ZNF320: variants seen among roughly 807,000 people sequenced by gnomAD.
ZNF320 encodes zinc finger protein 320.
A neutral mutation model predicts 6.8 loss-of-function variants in ZNF320; 2 were observed. That is an observed-to-expected ratio of 0.29 (90% CI 0.12 to 0.93). ZNF320 has a LOEUF of 0.93. Ranked by LOEUF, ZNF320 falls within the 40% of genes least tolerant of loss-of-function variation. The pLI, the probability that ZNF320 is intolerant of heterozygous loss-of-function variation, is 0.55. For missense variants in ZNF320, 472 were observed against 611.0 expected, an observed-to-expected ratio of 0.77 and a Z score of 2.40; for synonymous variants, 208 against 203.2, an observed-to-expected ratio of 1.02 and a Z score of -0.20.
rs781207542 is a variant in ZNF320 at position 52,877,371 on chromosome 19, T to C, written c.*3225A>G. On this transcript the variant is annotated 3_prime_UTR_variant, in exon 6 of 6. Transcript: ENST00000682928. The stretch of plus-strand genomic sequence containing the variant: ...CAAATAACATTCTTTGAATCTTTGA[T>C]CAGCCTTTCACTAAATACACAATTT... The C allele has an allele frequency of 1.3e-5, 2 of 152,226 alleles. No homozygotes were observed. The highest frequency in any genetic ancestry group is 2.9e-5 in the Non-Finnish European group (2 of 68,048). 9.4% of individuals were successfully genotyped at this position (152,226 alleles called of 1,614,324 possible). A position where few individuals can be genotyped will look rare whatever the true frequency, so the allele number is the denominator to read the frequency against.
At chr19:52,882,080 T>C in intron 5 of ZNF320, 97 bp from the exon 6 acceptor site, 5 of 1,254,794 alleles carry the variant, frequency 4.0e-6, no homozygotes, top group South Asian at 3.4e-5. Flanking sequence ...ATACTTATTT[T>C]AAACTTCCCA....
upstream of ZNF320, among the ~76,000 whole-genome samples, chr19:52,901,447 C>G (rs1381696183): frequency 6.6e-6 from 1 of 152,136 alleles, no homozygotes; most frequent in Non-Finnish European, 1.5e-5. Flanking sequence ...TTGTCATCTT[C>G]TTCAGAGTCA....
chr19:52,885,836 G>T (rs1280595265), intron 5 of ZNF320, among the ~76,000 whole-genome samples: 1 of 152,158 alleles, frequency 6.6e-6, no homozygotes, highest in Admixed American at 6.5e-5. Flanking sequence ...AACCGGGGAG[G>T]TGGAGGTTGT....
At chr19:52,863,798 C>T (rs537094157) in exon 6 of ZNF320, 9 of 190,574 alleles carry the variant, frequency 4.7e-5, no homozygotes, top group African/African-American at 1.4e-4. Context: ...CTTTAGAGGC[C>T]GAGGCGGGTG....
chr19:52,860,639 T>C (rs570749619), downstream of ZNF320, among the ~76,000 whole-genome samples: 2 of 151,636 alleles, frequency 1.3e-5, no homozygotes, highest in South Asian at 4.2e-4. Context: ...ATTCTTGGTA[T>C]TTTAGTGTGC....
rs765775479 is a variant in ZNF320 at position 52,876,877 on chromosome 19, C to G, written c.*3719G>C. The G allele has an allele frequency of 1.3e-5, 2 of 151,828 alleles. No homozygotes were observed. Among genetic ancestry groups the G allele is most frequent in the African/African-American group, 4.8e-5 (2 of 41,296 alleles). 9.4% of individuals were successfully genotyped at this position (151,828 alleles called of 1,614,324 possible). ...ATCCCAGCACCTTGGGAGGCCAATA[C>G]GGCTGGATCGCTTGAGCCCTGGAAT... is the stretch of plus-strand genomic sequence containing the variant. On this transcript the variant is annotated 3_prime_UTR_variant, in exon 6 of 6. Transcript: ENST00000682928.
chr19:52,874,026 C>T (rs370904211), downstream of ZNF320: 96 of 461,798 alleles, frequency 2.1e-4, no homozygotes, highest in African/African-American at 1.7e-3. Flanking sequence ...CTTTTCTTTG[C>T]CTTCTTGGTG....
chr19:52,904,030 C>T, the ZNF320 span, among the ~76,000 whole-genome samples: 61 of 152,304 alleles, frequency 4.0e-4, no homozygotes, highest in African/African-American at 1.4e-3. Flanking sequence ...ACAAAAGTGC[C>T]AATACAGGCA....
At chr19:52,893,233 C>A (rs1188268841) in intron 2 of ZNF320, among the ~76,000 whole-genome samples, 1 of 152,052 alleles carries the variant, frequency 6.6e-6, no homozygotes, top group African/African-American at 2.4e-5. Context: ...CACCTTGTGT[C>A]ACCATATAGG....
chr19:52,883,540 T>C, intron 5 of ZNF320: 1 of 442,808 alleles, frequency 2.3e-6, no homozygotes, highest in Non-Finnish European at 4.5e-6. Flanking sequence ...AGAACTGAAA[T>C]ACATGTTAAA....
chr19:52,893,043 C>T (rs1459479429), intron 2 of ZNF320, among the ~76,000 whole-genome samples: 1 of 151,972 alleles, frequency 6.6e-6, no homozygotes, highest in Non-Finnish European at 1.5e-5. Context: ...AAATCCCTCA[C>T]CCATCTTCTA....
chr19:52,876,761 T>A lies in ZNF320; in HGVS notation c.*3835A>T, dbSNP rs1481644732. On this transcript the variant is annotated 3_prime_UTR_variant, in exon 6 of 6. Coordinates refer to ENST00000682928, the MANE Select transcript of ZNF320 (RefSeq NM_001351774.2). ...ATCTGCCCACCTTGGCCTCCCAAAG[T>A]GCTGGGATTACAGGCATGAGCCAGA... is the stretch of plus-strand genomic sequence containing the variant. The A allele has an allele frequency of 6.6e-6, 1 of 151,738 alleles. No individual in the cohort carries two copies. Among genetic ancestry groups the A allele is most frequent in the African/African-American group, 2.4e-5 (1 of 41,328 alleles). The allele number at this position is 151,738 out of a possible 1,614,324, so 9.4% of individuals were successfully genotyped here.
chr19:52,871,662 T>C (rs556584925), downstream of ZNF320, among the ~76,000 whole-genome samples: 36 of 152,300 alleles, frequency 2.4e-4, no homozygotes, highest in Middle Eastern at 3.4e-3. Flanking sequence ...AATGTACACA[T>C]TGTGAACACA....
downstream of ZNF320, among the ~76,000 whole-genome samples, chr19:52,859,638 A>T (rs1290796535): frequency 1.3e-5 from 2 of 152,172 alleles, no homozygotes; most frequent in Non-Finnish European, 2.9e-5. Context: ...AGCAGAATCA[A>T]CACATTTTCC....
At chr19:52,862,028 G>A (rs921807593) in exon 6 of ZNF320, 9 of 383,612 alleles carry the variant, frequency 2.3e-5, no homozygotes, top group African/African-American at 1.5e-4. Flanking sequence ...TCTCCAGTAT[G>A]AGTTCGCTGA....
upstream of ZNF320, among the ~76,000 whole-genome samples, chr19:52,901,533 G>C (rs2064571212): frequency 6.6e-6 from 1 of 152,146 alleles, no homozygotes; most frequent in Non-Finnish European, 1.5e-5. Context: ...TGGTCTCAGA[G>C]GTTGGGCCCA....
At chr19:52,865,434 T>TTTTATATATATATATATATATA (rs368584132) in intron 5 of ZNF320, 57 of 152,754 alleles carry the variant, frequency 3.7e-4, no homozygotes, top group African/African-American at 1.8e-3. Flanking sequence ...GGTCCAGGCT[T>TTTTATATATATATATATATATA]TATATATATA....
intron 5 of ZNF320, among the ~76,000 whole-genome samples, chr19:52,866,593 G>T (rs779611245): frequency 1.3e-5 from 2 of 152,008 alleles, no homozygotes; most frequent in African/African-American, 4.8e-5. Flanking sequence ...TTATCATGTC[G>T]AGCTCTTTGG....
At chr19:52,888,651 A>G (rs1159456715) in intron 4 of ZNF320, among the ~76,000 whole-genome samples, 1 of 150,886 alleles carries the variant, frequency 6.6e-6, no homozygotes, top group Non-Finnish European at 1.5e-5. Flanking sequence ...AAATACATGA[A>G]AGTAAAATTA....
Sources: allele counts gnomAD v4.1 joint callset (sites outside exome capture counted in the v4.1 genomes callset), GRCh38; gene constraint gnomAD v4.1.1; transcripts MANE v1.5; gene names NCBI Gene and HGNC (gene_info 2026-07-23, HGNC 2026-07-21).